ERC1: variants seen among roughly 807,000 people sequenced by gnomAD.
The protein encoded by ERC1 is RAB6 interacting protein 2.
In ERC1, 56 loss-of-function variants were observed where a neutral mutation model predicts 132.0. The observed-to-expected ratio is 0.42, with a 90% CI of 0.34 to 0.53. The LOEUF is 0.53. ERC1 is among the 20% of genes least tolerant of loss of function. The pLI is 0.03. For synonymous variants in ERC1, 478 were observed against 476.1 expected (o/e 1.00, Z -0.05); for missense variants, 1,202 against 1,349.9 (o/e 0.89, Z 1.72).
At chr12:1,109,571 T>C (rs1479094692) in intron 4 of ERC1, among the ~76,000 whole-genome samples, 2 of 152,244 alleles carry the variant, frequency 1.3e-5, no homozygotes, top group African/African-American at 4.8e-5. Flanking sequence ...CAGAAATTTG[T>C]AATTTCTGAT....
chr12:1,455,649 C>G (rs971886970), intron 18 of ERC1, among the ~76,000 whole-genome samples: 2 of 152,206 alleles, frequency 1.3e-5, no homozygotes, highest in African/African-American at 4.8e-5. Flanking sequence ...AACATCTACT[C>G]AGGGAGTTGC....
chr12:1,377,174 C>A (rs1165839079), intron 16 of ERC1, among the ~76,000 whole-genome samples: 1 of 152,160 alleles, frequency 6.6e-6, no homozygotes, highest in African/African-American at 2.4e-5. Context: ...GAAAAAATAC[C>A]TGAATCAAGT....
chr12:1,116,103 T>G (rs895457974), intron 7 of ERC1, 70 bp downstream of exon 7: 2 of 1,376,186 alleles, frequency 1.5e-6, no homozygotes, highest in African/African-American at 2.9e-5. Context: ...ACCTGTGCTG[T>G]TTTTGTTATG....
At chr12:1,203,530 T>A (rs981276584) in intron 12 of ERC1, among the ~76,000 whole-genome samples, 1 of 152,244 alleles carries the variant, frequency 6.6e-6, no homozygotes, top group Admixed American at 6.5e-5. Context: ...AATTATACTT[T>A]TGCAAGACAT....
rs752372928 is a variant in ERC1 at position 1,110,280 on chromosome 12, A to C, written c.1250A>C (p.Glu417Ala). ...MLKSNGALSTEEREEEMKQME... is the reference protein window; with the variant it reads ...MLKSNGALSTAEREEEMKQME... ...AAATCGAATGGTGCTTTGAGTACTG[A>C]GGAAAGGGAAGAAGAAATGAAGCAA... The change falls in exon 5 of 19, where the codon GAG becomes GCG. Residue 417 changes from glutamate (E) to alanine (A), a missense_variant. Physicochemically the swap from Glu to Ala is moderately radical, Grantham distance 107 (BLOSUM62 -1). Coordinates refer to ENST00000360905, the MANE Select transcript of ERC1 (RefSeq NM_178040.4). The C allele has an allele frequency of 6.2e-7, 1 of 1,613,754 alleles. No individual in the cohort carries two copies. The highest frequency in any genetic ancestry group is 8.5e-7 in the Non-Finnish European group (1 of 1,179,798).
chr12:1,340,478 G>A (rs2083727657), intron 15 of ERC1, among the ~76,000 whole-genome samples: 1 of 152,148 alleles, frequency 6.6e-6, no homozygotes, highest in Non-Finnish European at 1.5e-5. Context: ...GTCTGTGGTA[G>A]ATGAGGGGTC....
chr12:1,111,916 A>G (rs1593365964), intron 5 of ERC1, among the ~76,000 whole-genome samples: 1 of 152,106 alleles, frequency 6.6e-6, no homozygotes, highest in East Asian at 1.9e-4. Context: ...CTGGCCTCAC[A>G]TAACCAACTT....
At chr12:1,021,860 G>A (rs1966432010) in intron 1 of ERC1, among the ~76,000 whole-genome samples, 1 of 152,150 alleles carries the variant, frequency 6.6e-6, no homozygotes, top group Non-Finnish European at 1.5e-5. Flanking sequence ...TTGCTGCGCT[G>A]TGAGTAATAA....
intron 18 of ERC1, among the ~76,000 whole-genome samples, chr12:1,471,271 G>A (rs543266054): frequency 6.6e-6 from 1 of 152,326 alleles, no homozygotes; most frequent in Non-Finnish European, 1.5e-5. Flanking sequence ...AAAAATTAGA[G>A]AGGTATAACT....
intron 17 of ERC1, among the ~76,000 whole-genome samples, chr12:1,413,650 A>G (rs1367966846): frequency 6.6e-6 from 1 of 152,208 alleles, no homozygotes; most frequent in Non-Finnish European, 1.5e-5. Flanking sequence ...CTCACATGTC[A>G]TTCTGCTCAG....
Position 1,444,619 on chromosome 12 carries a change from G to A in ERC1, c.3082G>A (p.Gly1028Arg). Residue 1028 changes from glycine (G) to arginine (R), a missense_variant, in exon 18 of 19, where the codon GGA (glycine) becomes AGA (arginine). Gly to Arg is a moderately radical substitution (Grantham distance 125). Transcript: ENST00000360905. ...TAGAAGTAAATTAAAGTTGTACATT[G>A]GACACCTGACAACCCTCTGCCATGA... Reference protein sequence around the residue: ...QNRSKLKLYIGHLTTLCHDRD... With the variant: ...QNRSKLKLYIRHLTTLCHDRD... 6.2e-7 allele frequency: 1 copy of A among 1,613,848 alleles called. No homozygotes were observed.
At chr12:1,312,101 T>C (rs1594928395) in intron 15 of ERC1, among the ~76,000 whole-genome samples, 1 of 152,212 alleles carries the variant, frequency 6.6e-6, no homozygotes, top group East Asian at 1.9e-4. Context: ...TGCTTGTAGC[T>C]ACTATTTCTA....
At chr12:1,418,629 TTCTTTCTTTCTTTCTCTC>T (rs1232401239) in intron 17 of ERC1, among the ~76,000 whole-genome samples, 7 of 101,878 alleles carry the variant, frequency 6.9e-5, no homozygotes, top group East Asian at 4.8e-4. Context: ...CTTTCTTTCT[TTCTTTCTTTCTTTCTCTC>T]TCTCTCTCTC....
intron 14 of ERC1, 95 bp downstream of exon 14, chr12:1,263,260 T>C (rs998321289): frequency 1.6e-6 from 2 of 1,244,776 alleles, no homozygotes; most frequent in Admixed American, 4.3e-5. Context: ...ATATTGTATG[T>C]TTATAGGGTT....
chr12:1,203,139 C>G (rs1490598474), intron 12 of ERC1, among the ~76,000 whole-genome samples: 1 of 152,202 alleles, frequency 6.6e-6, no homozygotes, highest in East Asian at 1.9e-4. Flanking sequence ...CTCACTGCAG[C>G]CTCCACCTCC....
intron 17 of ERC1, 142 bp from the exon 18 acceptor site, chr12:1,444,420 A>G (rs572623679): frequency 3.5e-6 from 2 of 578,390 alleles, no homozygotes. Context: ...AATCCTGAAG[A>G]TTTCAGTAGT....
chr12:1,381,486 A>G (rs939401247), intron 16 of ERC1, among the ~76,000 whole-genome samples: 1 of 152,192 alleles, frequency 6.6e-6, no homozygotes, highest in Non-Finnish European at 1.5e-5. Context: ...CACGTGAGCC[A>G]CCACAGCCGT....
chr12:1,481,205 G>A (rs2094084611), intron 18 of ERC1, among the ~76,000 whole-genome samples: 1 of 152,232 alleles, frequency 6.6e-6, no homozygotes, highest in South Asian at 2.1e-4. Context: ...ACCGTGGAAA[G>A]GGAAACCATG....
chr12:1,264,072 C>T (rs1226070293), intron 14 of ERC1, among the ~76,000 whole-genome samples: 1 of 152,078 alleles, frequency 6.6e-6, no homozygotes, highest in Non-Finnish European at 1.5e-5. Context: ...TACCCTGCCT[C>T]ATTGAAGAGA....
Sources: allele counts gnomAD v4.1 joint callset (sites outside exome capture counted in the v4.1 genomes callset), GRCh38; gene constraint gnomAD v4.1.1; transcripts MANE v1.5; gene names NCBI Gene and HGNC (gene_info 2026-07-23, HGNC 2026-07-21).